The following PEX6 variants were observed in gnomAD, a reference collection of about 807,000 sequenced individuals.
PEX6 encodes the protein peroxisome biogenesis factor 6.
PEX6 carries 55 observed loss-of-function variants against 85.6 expected under a neutral mutation model. That is an observed-to-expected ratio of 0.64 (90% confidence interval 0.52 to 0.80). The LOEUF (loss-of-function observed/expected upper bound fraction) is 0.80. Ranked by LOEUF, PEX6 falls within the 30% of genes least tolerant of loss-of-function variation. The pLI is 0.00. For synonymous variants in PEX6, 519 were observed against 549.1 expected, an observed-to-expected ratio of 0.95 and a Z score of 0.77; for missense variants, 1,099 against 1,260.3, an observed-to-expected ratio of 0.87 and a Z score of 1.94.
At chr6:42,973,473 C>T (rs1770143641) in intron 3 of PEX6, among the ~76,000 whole-genome samples, 1 of 152,148 alleles carries the variant, frequency 6.6e-6, no homozygotes, top group Non-Finnish European at 1.5e-5. Flanking sequence ...TATAAGTATG[C>T]ACTACCATGC....
chr6:42,968,175 G>A (rs1769911051), intron 7 of PEX6, 115 bp downstream of exon 7: 9 of 860,984 alleles, frequency 1.0e-5, no homozygotes, highest in Non-Finnish European at 1.8e-5. Context: ...TTGAACTCCT[G>A]ATCAAGGCAG....
intron 3 of PEX6, among the ~76,000 whole-genome samples, chr6:42,972,226 CCTT>C (rs1311091582): frequency 2.0e-5 from 3 of 152,204 alleles, no homozygotes; most frequent in South Asian, 2.1e-4. Flanking sequence ...GCTGTGCTCT[CCTT>C]CTAGTAAACT....
Position 42,970,052 on chromosome 6 carries a change from G to A in PEX6, c.1131-65C>T, listed in dbSNP as rs146050216. The A allele has an allele frequency of 5.9e-5, 77 of 1,295,914 alleles. 1 individual carries two copies. The East Asian group carries it at 1.6e-3, about 28-fold the overall frequency. The allele number at this position is 1,295,914 out of a possible 1,614,324, so 80.3% of individuals were successfully genotyped here. A position where few individuals can be genotyped will look rare whatever the true frequency, so the allele number is the denominator to read the frequency against. On this transcript the variant is annotated intron_variant, in intron 3 of 16. Coordinates refer to ENST00000304611, the MANE Select transcript of PEX6 (RefSeq NM_000287.4). ...CAAAAACCCCCCTCCTCAAGGACAA[G>A]GTTTCTCAATCACAGAGGACAAACA...
At position 42,964,296 on chromosome 6, in the gene PEX6, G is replaced by A. The variant is rs747814401; in HGVS notation, c.*39C>T. 95 of 1,611,616 alleles carry A rather than the reference G, an allele frequency of 5.9e-5. No homozygotes were observed. In the Middle Eastern group the frequency reaches 4.1e-3, roughly 70 times the overall value. ...CTCTCTGTGGGCTATCAAGGTACCTGCAGCCATGCTGAGCGGGGTCCCAGA... is the reference window on the plus strand; with the variant it reads ...CTCTCTGTGGGCTATCAAGGTACCTACAGCCATGCTGAGCGGGGTCCCAGA... On this transcript the variant is annotated 3_prime_UTR_variant, in exon 17 of 17. Transcript: ENST00000304611. The surrounding 1 kb of genome is among the most constrained non-coding windows in gnomAD (Gnocchi z 4.6).
At chr6:42,968,156 A>AG in intron 7 of PEX6, 134 bp downstream of exon 7, 2 of 743,888 alleles carry the variant, frequency 2.7e-6, no homozygotes, top group Non-Finnish European at 4.8e-6. Context: ...CATGTTGGCC[A>AG]GGCTGGTCTT....
rs1769712635 is a variant in PEX6 at position 42,965,140 on chromosome 6, C to T, written c.2601G>A (p.Leu867=). 2.5e-6 allele frequency: 4 copies of T among 1,614,054 alleles called. No individual in the cohort carries two copies. The highest frequency in any genetic ancestry group is 3.4e-6 in the Non-Finnish European group (4 of 1,180,024). The change falls in exon 15 of 17, where the codon CTG becomes CTA. Residue 867 remains leucine (L), a synonymous_variant. Coordinates refer to ENST00000304611, the MANE Select transcript of PEX6 (RefSeq NM_000287.4). This position sits in a 1 kb window ranked among gnomAD's most constrained non-coding sequence, Gnocchi z 5.0. The stretch of plus-strand genomic sequence containing the variant: ...GGTCCTCATTTGCCCCCACAAACAC[C>T]AGCTTGTCAAATCTTTAGGGAGATA... The part of the protein sequence containing the change: ...ALLRPGRFDK[L]VFVGANEDRA...
Position 42,969,754 on chromosome 6 carries a change from G to A in PEX6, c.1281C>T (p.Ser427=), listed in dbSNP as rs1318560741. The A allele has an allele frequency of 3.7e-6, 6 of 1,613,690 alleles. No homozygotes were observed. The highest frequency in any genetic ancestry group is 1.3e-5 in the African/African-American group (1 of 74,906). Residue 427 remains serine, a synonymous_variant, in exon 5 of 17, where the codon TCC becomes TCT. Transcript: ENST00000304611. ...SPVPWLPSEE[S]TLWSSLSPPG... is the part of the protein sequence containing the mutation. ...GAGGAGACAAACTGCTCCAGAGAGT[G>A]GATTCCTCTGAAGGGAGCCATGGAA...
intron 7 of PEX6, among the ~76,000 whole-genome samples, chr6:42,967,947 CT>C (rs34767122): frequency 0.021 from 2,825 of 136,368 alleles, 29 homozygotes; most frequent in Non-Finnish European, 0.029. Context: ...CCCGCTCCCC[CT>C]TTTTTTTTTT....
In PEX6 at chr6:42,964,386, C is replaced by CT. The variant is rs753862792; in HGVS notation, c.2891dup (p.Gln965AlafsTer34). 39 of 1,613,900 alleles carry CT rather than the reference C, an allele frequency of 2.4e-5. 1 individual carries two copies. The South Asian group carries it at 4.1e-4, about 17-fold the overall frequency. On this transcript the variant is annotated frameshift_variant, in exon 17 of 17. Transcript: ENST00000304611. LOFTEE classifies it high-confidence loss of function. This position sits in a 1 kb window ranked among gnomAD's most constrained non-coding sequence, Gnocchi z 4.6. The stretch of plus-strand genomic sequence containing the variant: ...TGCGCTTGTACCGGAGCAGCTCCTG[C>CT]TCACTGACTGAGGGTTGCAGCCGGG...
rs1009420665 is a variant in PEX6 at position 42,966,519 on chromosome 6, C to T, written c.2094+6G>A. ...CCTGTCCCACCTCCAAGGACTTGGT[C>T]TCCACCTTGGGGGCTCCAACGGCCT... On this transcript the variant is annotated splice_donor_region_variant and intron_variant, in intron 10 of 16. Transcript: ENST00000304611. The T allele has an allele frequency of 3.1e-6, 5 of 1,614,164 alleles. No homozygotes were observed. The highest frequency in any genetic ancestry group is 3.3e-5 in the Admixed American group (2 of 60,016).
In PEX6 at chr6:42,965,717, CG is replaced by C; in HGVS notation, c.2434del (p.Arg812GlyfsTer10). On this transcript the variant is annotated frameshift_variant, in exon 13 of 17. Coordinates refer to ENST00000304611, the MANE Select transcript of PEX6 (RefSeq NM_000287.4). LOFTEE classifies it high-confidence loss of function. The surrounding 1 kb of genome is among the most constrained non-coding windows in gnomAD (Gnocchi z 5.0). ...FDELDSLAPS[R>X]GRSGDSGGVM... is the part of the protein sequence containing the mutation. ...TCCTCCAGAATCTCCACTTCGCCCC[CG>C]GCTTGGGGCCAAAGAGTCCAGTTCA... is the stretch of plus-strand genomic sequence containing the variant. 1 of 1,614,094 alleles carries C rather than the reference CG, an allele frequency of 6.2e-7. No homozygotes were observed. Among genetic ancestry groups the C allele is most frequent in the Non-Finnish European group, 8.5e-7 (1 of 1,179,956 alleles).
chr6:42,973,993 A>C lies in PEX6; in HGVS notation c.1130+10T>G. 6.2e-7 allele frequency: 1 copy of C among 1,602,024 alleles called. No homozygotes were observed. Among genetic ancestry groups the C allele is most frequent in the Non-Finnish European group, 8.6e-7 (1 of 1,168,970 alleles). On this transcript the variant is annotated intron_variant, in intron 3 of 16. Coordinates refer to ENST00000304611, the MANE Select transcript of PEX6 (RefSeq NM_000287.4). ...AAATCCCAGCTGTAGGACAGAAGGC[A>C]GCTGCATACCTGGGCAGTTTCTCTG...
chr6:42,966,748 T>C (rs111370905), intron 9 of PEX6, 34 bp downstream of exon 9: 1 of 1,613,852 alleles, frequency 6.2e-7, no homozygotes, highest in Non-Finnish European at 8.5e-7. Context: ...ATCCATTTCC[T>C]CTTTCCGCCT....
intron 3 of PEX6, among the ~76,000 whole-genome samples, 167 bp from the exon 4 acceptor site, chr6:42,970,154 C>T (rs916235765): frequency 6.6e-6 from 1 of 152,204 alleles, no homozygotes; most frequent in Admixed American, 6.5e-5. Context: ...TCCTGACAGA[C>T]CATACACACC....
intron 7 of PEX6, among the ~76,000 whole-genome samples, chr6:42,967,931 G>A (rs1420540977): frequency 6.8e-6 from 1 of 147,506 alleles, no homozygotes; most frequent in Non-Finnish European, 1.5e-5. Flanking sequence ...TAGGAGGGCT[G>A]GCCCCCCCGC....
intron 7 of PEX6, among the ~76,000 whole-genome samples, chr6:42,968,037 C>T (rs1769906183): frequency 1.3e-5 from 2 of 151,256 alleles, no homozygotes; most frequent in Non-Finnish European, 2.9e-5. Context: ...ACCTCCGCCT[C>T]CTGGGCTCAA....
intron 7 of PEX6, 106 bp downstream of exon 7, chr6:42,968,184 A>T (rs1436827802): frequency 2.2e-6 from 2 of 897,224 alleles, no homozygotes; most frequent in African/African-American, 3.9e-5. Flanking sequence ...TGATCAAGGC[A>T]GGTGATCCAC....
At chr6:42,966,917 A>ACCG in intron 8 of PEX6, 59 bp from the exon 9 acceptor site, 1 of 1,305,612 alleles carries the variant, frequency 7.7e-7, no homozygotes. Context: ...ACCTTCAGGG[A>ACCG]CCGTCCCCCA....
rs1299683224 is a variant in PEX6, at chr6:42,979,011, G to T, written c.140C>A (p.Pro47Gln). 1 of 1,518,404 alleles carries T rather than the reference G, an allele frequency of 6.6e-7. No individual in the cohort carries two copies. 94.1% of individuals were successfully genotyped at this position (1,518,404 alleles called of 1,614,324 possible). A position where few individuals can be genotyped will look rare whatever the true frequency, so the allele number is the denominator to read the frequency against. Residue 47 changes from proline (P) to glutamine (Q), a missense_variant, in exon 1 of 17, where the codon CCG becomes CAG. Coordinates refer to ENST00000304611, the MANE Select transcript of PEX6 (RefSeq NM_000287.4). ...TGCCACCAGCAGCGCCGGCCCTGCC[G>T]GGCTCTCCCCTGCAGGCCTCAGGGC... ...VLALRPAGES[P>Q]AGPALLVAAL... is the part of the protein sequence containing the mutation.
Sources: gnomAD v4.1 joint callset for allele counts (sites outside exome capture counted in the v4.1 genomes callset) on GRCh38, gnomAD v4.1.1 for gene constraint, Gnocchi (gnomAD v3.1) non-coding constraint, MANE v1.5 for transcripts, NCBI Gene and HGNC (gene_info 2026-07-23, HGNC 2026-07-21) for gene names.